NOL4: variants seen among roughly 807,000 people sequenced by gnomAD.
NOL4 encodes nucleolar protein 4, also known as cancer/testis antigen 125.
Under a neutral mutation model 75.9 loss-of-function variants are expected in NOL4, and 17 were observed. The ratio of observed to expected loss-of-function variants is 0.22; its 90% CI spans 0.15 to 0.34. The LOEUF is 0.34. Ranked by LOEUF, NOL4 falls within the 10% of genes least tolerant of loss-of-function variation. The probability of loss-of-function intolerance (pLI) is 1.00; values close to 1 mark genes in which losing one functional copy is unlikely to be tolerated. For synonymous variants in NOL4, 292 were observed against 289.9 expected (o/e 1.01, Z -0.07); for missense variants, 614 against 793.5 (o/e 0.77, Z 2.72).
chr18:33,890,743 A>T (rs2065044328), intron 9 of NOL4, among the ~76,000 whole-genome samples: 1 of 152,166 alleles, frequency 6.6e-6, no homozygotes, highest in Non-Finnish European at 1.5e-5. Flanking sequence ...GACATTAAAA[A>T]TGATATTTCA....
intron 8 of NOL4, among the ~76,000 whole-genome samples, chr18:33,947,148 C>T (rs1186846519): frequency 1.3e-5 from 2 of 151,688 alleles, no homozygotes; most frequent in East Asian, 1.9e-4. Flanking sequence ...GTACTAATAT[C>T]GAGAGAGTGA....
At chr18:33,957,663 G>A (rs2069752858) in intron 7 of NOL4, 146 bp from the exon 8 acceptor site, 1 of 542,324 alleles carries the variant, frequency 1.8e-6, no homozygotes, top group Non-Finnish European at 3.2e-6. Context: ...GAAATTTTAA[G>A]CAAACACTCT....
chr18:34,164,300 A>G (rs545275565), intron 1 of NOL4, among the ~76,000 whole-genome samples: 3,164 of 152,152 alleles, frequency 0.021, 41 homozygotes, highest in African/African-American at 0.033. Flanking sequence ...CAGAGTGAAC[A>G]GGCAACCTAT....
intron 5 of NOL4, among the ~76,000 whole-genome samples, chr18:34,082,170 G>A (rs1390208800): frequency 1.3e-5 from 2 of 152,218 alleles, no homozygotes; most frequent in East Asian, 1.9e-4. Context: ...AAAACAATAG[G>A]TGTGAGCAAG....
At chr18:33,964,499 G>C (rs974405205) in intron 6 of NOL4, among the ~76,000 whole-genome samples, 1 of 151,558 alleles carries the variant, frequency 6.6e-6, no homozygotes, top group Admixed American at 6.6e-5. Context: ...GGACAGAAAA[G>C]AAAGAAAAGA....
At chr18:33,950,326 C>T in intron 8 of NOL4, among the ~76,000 whole-genome samples, 1 of 151,734 alleles carries the variant, frequency 6.6e-6, no homozygotes, top group East Asian at 1.9e-4. Context: ...ATATATTAGG[C>T]TATATTTTCA....
intron 1 of NOL4, among the ~76,000 whole-genome samples, chr18:34,213,384 G>A (rs2036646340): frequency 6.6e-6 from 1 of 152,170 alleles, no homozygotes; most frequent in Admixed American, 6.5e-5. Context: ...CCGCCTCCCG[G>A]CTTCAAGCGA....
intron 5 of NOL4, among the ~76,000 whole-genome samples, chr18:34,066,930 T>C (rs1405518964): frequency 6.6e-6 from 1 of 152,100 alleles, no homozygotes; most frequent in Non-Finnish European, 1.5e-5. Flanking sequence ...TAATAAAGAA[T>C]CAGCCACTAA....
At chr18:34,004,894 T>C (rs2073948049) in intron 6 of NOL4, among the ~76,000 whole-genome samples, 1 of 152,070 alleles carries the variant, frequency 6.6e-6, no homozygotes, top group South Asian at 2.1e-4. Context: ...CAGACTGTCA[T>C]GTTGTAGCAA....
intron 5 of NOL4, among the ~76,000 whole-genome samples, chr18:34,044,868 T>C (rs1049859152): frequency 1.3e-5 from 2 of 152,192 alleles, no homozygotes; most frequent in East Asian, 3.9e-4. Context: ...TTGAAGGTTC[T>C]TTCTTTAATG....
chr18:34,040,292 C>G (rs1187425006), intron 5 of NOL4, among the ~76,000 whole-genome samples: 1 of 151,584 alleles, frequency 6.6e-6, no homozygotes, highest in East Asian at 1.9e-4. Context: ...CATTTTGGTA[C>G]TTTTTGGAAT....
chr18:34,111,480 C>A (rs1399315984), intron 2 of NOL4, among the ~76,000 whole-genome samples: 5 of 152,016 alleles, frequency 3.3e-5, no homozygotes, highest in African/African-American at 9.7e-5. Flanking sequence ...GCTTGCTTGT[C>A]TCTTCTGCCC....
At chr18:33,946,008 T>G (rs2068808679) in intron 8 of NOL4, among the ~76,000 whole-genome samples, 1 of 151,758 alleles carries the variant, frequency 6.6e-6, no homozygotes, top group Admixed American at 6.6e-5. Context: ...TTTTACATAC[T>G]TTGTCATTAA....
At chr18:34,165,399 A>C (rs930291392) in intron 1 of NOL4, among the ~76,000 whole-genome samples, 3 of 152,160 alleles carry the variant, frequency 2.0e-5, no homozygotes, top group Admixed American at 1.3e-4. Flanking sequence ...AAAAGCTTTT[A>C]GTCTTCTGGA....
chr18:34,008,054 T>A (rs1192253869), intron 6 of NOL4, among the ~76,000 whole-genome samples: 18 of 152,000 alleles, frequency 1.2e-4, no homozygotes, highest in Admixed American at 1.1e-3. Context: ...CCTTCACCAA[T>A]GTGAGTGGGC....
chr18:33,905,273 T>C (rs888546900), intron 9 of NOL4, among the ~76,000 whole-genome samples: 3 of 152,134 alleles, frequency 2.0e-5, no homozygotes, highest in African/African-American at 7.2e-5. Context: ...AGGGGTCTTC[T>C]TAAAGACTTG....
At chr18:33,917,767 G>A (rs1434720975) in intron 9 of NOL4, among the ~76,000 whole-genome samples, 26 of 152,062 alleles carry the variant, frequency 1.7e-4, no homozygotes, top group Admixed American at 9.8e-4. Flanking sequence ...GCCTCACAAG[G>A]TGCCAGGATT....
At chr18:34,129,356 T>C (rs891454119) in intron 2 of NOL4, among the ~76,000 whole-genome samples, 3 of 151,728 alleles carry the variant, frequency 2.0e-5, no homozygotes, top group African/African-American at 7.2e-5. Context: ...CCTGGAAAAT[T>C]AAGAAATACA....
chr18:33,878,284 A>C (rs1160601842), intron 10 of NOL4, among the ~76,000 whole-genome samples: 2 of 152,094 alleles, frequency 1.3e-5, no homozygotes, highest in South Asian at 2.1e-4. Context: ...ATACTCTTTC[A>C]AAGTGTTCTC....
Sources: allele counts gnomAD v4.1 joint callset (sites outside exome capture counted in the v4.1 genomes callset), GRCh38; gene constraint gnomAD v4.1.1; transcripts MANE v1.5; gene names NCBI Gene and HGNC (gene_info 2026-07-23, HGNC 2026-07-21).